The following EBF2 variants were observed in gnomAD, a reference collection of about 807,000 sequenced individuals.
EBF2 encodes the protein EBF transcription factor 2.
A neutral mutation model predicts 72.8 loss-of-function variants in EBF2; 21 were observed. That is an observed-to-expected ratio of 0.29 (90% CI 0.20 to 0.42). The LOEUF is 0.42. Ranked by LOEUF, EBF2 falls within the 10% of genes least tolerant of loss-of-function variation. The pLI is 1.00. For missense variants in EBF2, 637 were observed against 731.2 expected, an observed-to-expected ratio of 0.87 and a Z score of 1.49; for synonymous variants, 299 against 274.2, an observed-to-expected ratio of 1.09 and a Z score of -0.89.
intron 6 of EBF2, among the ~76,000 whole-genome samples, chr8:26,002,012 T>G (rs754968946): frequency 1.5e-4 from 23 of 152,140 alleles, no homozygotes; most frequent in Non-Finnish European, 3.4e-4. Flanking sequence ...TGATGAAAAC[T>G]AAGAGAGCTT....
chr8:25,992,736 C>T (rs1804565015), intron 6 of EBF2, among the ~76,000 whole-genome samples: 1 of 151,936 alleles, frequency 6.6e-6, no homozygotes, highest in East Asian at 1.9e-4. Flanking sequence ...GACTTCATCG[C>T]TACAAAAAAA....
chr8:25,861,603 T>C lies in EBF2; in HGVS notation c.1099-229A>G, dbSNP rs1024293470. Among the ~76,000 whole-genome samples, 7 of 148,008 alleles carry C rather than the reference T, an allele frequency of 4.7e-5. No individual in the cohort carries two copies. The South Asian group carries it at 1.5e-3, about 31-fold the overall frequency. On this transcript the variant is annotated intron_variant, in intron 11 of 15. Transcript: ENST00000520164. The stretch of plus-strand genomic sequence containing the variant: ...CTCTATAAAATGGCTCTATAAATGA[T>C]TGTGTTACCAAAACAAAAAACAACC...
intron 6 of EBF2, among the ~76,000 whole-genome samples, chr8:25,909,667 C>T (rs1391543904): frequency 2.0e-5 from 3 of 152,116 alleles, no homozygotes; most frequent in Admixed American, 1.3e-4. Flanking sequence ...CTCATTGCGA[C>T]GTTCTGATTT....
At chr8:25,963,181 C>A (rs1804061952) in intron 6 of EBF2, among the ~76,000 whole-genome samples, 1 of 152,164 alleles carries the variant, frequency 6.6e-6, no homozygotes, top group African/African-American at 2.4e-5. Flanking sequence ...TCCTTAGTGC[C>A]AGGTCCACCC....
chr8:25,926,472 G>A (rs114247064), intron 6 of EBF2, among the ~76,000 whole-genome samples: 1,705 of 152,254 alleles, frequency 0.011, 36 homozygotes, highest in African/African-American at 0.039. Flanking sequence ...GAAAGGTGAA[G>A]ACTCTTGCCT....
chr8:25,946,845 C>A (rs1407009335), intron 6 of EBF2, among the ~76,000 whole-genome samples: 1 of 152,206 alleles, frequency 6.6e-6, no homozygotes, highest in Non-Finnish European at 1.5e-5. Flanking sequence ...AGGCTTACAA[C>A]ATGATATTAT....
intron 10 of EBF2, among the ~76,000 whole-genome samples, chr8:25,885,850 T>C (rs1802681340): frequency 6.6e-6 from 1 of 152,190 alleles, no homozygotes; most frequent in Admixed American, 6.5e-5. Flanking sequence ...TATGTCTTTA[T>C]CAGCAGCATG....
chr8:25,912,642 A>G (rs1448162292), intron 6 of EBF2, among the ~76,000 whole-genome samples: 1 of 152,154 alleles, frequency 6.6e-6, no homozygotes, highest in Non-Finnish European at 1.5e-5. Flanking sequence ...AAACTGCTGA[A>G]TTCATTTATT....
At chr8:26,036,942 C>G in intron 5 of EBF2, among the ~76,000 whole-genome samples, 1 of 151,724 alleles carries the variant, frequency 6.6e-6, no homozygotes, top group Middle Eastern at 3.2e-3. Flanking sequence ...GAAGAGGAAA[C>G]TGAGCTTGGC....
At chr8:25,956,800 T>C (rs530737059) in intron 6 of EBF2, among the ~76,000 whole-genome samples, 2 of 152,340 alleles carry the variant, frequency 1.3e-5, no homozygotes, top group Non-Finnish European at 2.9e-5. Flanking sequence ...TAATTTTCAT[T>C]ATTCAGCGCT....
At chr8:25,917,690 T>C (rs922313607) in intron 6 of EBF2, among the ~76,000 whole-genome samples, 10 of 152,084 alleles carry the variant, frequency 6.6e-5, no homozygotes, top group African/African-American at 2.4e-4. Context: ...AGAAATGAAG[T>C]TATTAGTCAG....
At chr8:25,892,997 C>T (rs764359711) in intron 7 of EBF2, among the ~76,000 whole-genome samples, 2 of 152,158 alleles carry the variant, frequency 1.3e-5, no homozygotes, top group East Asian at 1.9e-4. Context: ...TATCACTCCC[C>T]GTAAGTGCTC....
intron 6 of EBF2, among the ~76,000 whole-genome samples, chr8:26,015,002 G>A (rs1332840572): frequency 6.6e-6 from 1 of 152,158 alleles, no homozygotes; most frequent in East Asian, 1.9e-4. Flanking sequence ...AAATGTCAGG[G>A]TAAGATGCAA....
chr8:25,956,996 A>G (rs1186813709), intron 6 of EBF2, among the ~76,000 whole-genome samples: 2 of 152,228 alleles, frequency 1.3e-5, no homozygotes, highest in African/African-American at 2.4e-5. Context: ...ACCAATATCC[A>G]TACTGACAGA....
intron 14 of EBF2, among the ~76,000 whole-genome samples, chr8:25,853,490 C>T (rs1263225135): frequency 1.5e-5 from 2 of 134,240 alleles, no homozygotes; most frequent in African/African-American, 2.8e-5. Flanking sequence ...ATTTTCCACT[C>T]ACTAAATAGA....
chr8:25,934,250 C>T (rs1303972726), intron 6 of EBF2, among the ~76,000 whole-genome samples: 1 of 151,564 alleles, frequency 6.6e-6, no homozygotes, highest in Non-Finnish European at 1.5e-5. Context: ...CACACACACA[C>T]ACACACACAC....
chr8:25,892,703 G>C (rs576242082), intron 7 of EBF2, among the ~76,000 whole-genome samples: 3 of 152,072 alleles, frequency 2.0e-5, no homozygotes, highest in Non-Finnish European at 1.5e-5. Context: ...GAACATGGTG[G>C]TAACATATGC....
intron 10 of EBF2, among the ~76,000 whole-genome samples, chr8:25,867,162 G>A (rs185099370): frequency 6.6e-6 from 1 of 152,282 alleles, no homozygotes; most frequent in Admixed American, 6.5e-5. Flanking sequence ...ATTGCTGTCA[G>A]GAATTTATGT....
chr8:25,995,277 G>A (rs957056415), intron 6 of EBF2, among the ~76,000 whole-genome samples: 3 of 152,106 alleles, frequency 2.0e-5, no homozygotes, highest in African/African-American at 7.2e-5. Flanking sequence ...CAGCACTTGA[G>A]CCTGGGCAAC....
Sources: allele counts gnomAD v4.1 joint callset (sites outside exome capture counted in the v4.1 genomes callset), GRCh38; gene constraint gnomAD v4.1.1; transcripts MANE v1.5; gene names NCBI Gene and HGNC (gene_info 2026-07-23, HGNC 2026-07-21).